DIP2B: variants seen among roughly 807,000 people sequenced by gnomAD.
The protein encoded by DIP2B is disco-interacting protein 2 homolog B.
A neutral mutation model predicts 198.0 loss-of-function variants in DIP2B; 76 were observed. The ratio of observed to expected loss-of-function variants is 0.38; its 90% CI spans 0.32 to 0.46. DIP2B has a LOEUF of 0.46. Among genes scored for constraint, DIP2B ranks in the 20% least tolerant of loss-of-function variants. The pLI is 0.99. For missense variants in DIP2B, 1,559 were observed against 1,978.4 expected (o/e 0.79, Z 4.02); for synonymous variants, 701 against 739.1 (o/e 0.95, Z 0.84).
chr12:50,616,928 A>G, intron 1 of DIP2B, among the ~76,000 whole-genome samples: 1 of 152,122 alleles, frequency 6.6e-6, no homozygotes, highest in East Asian at 1.9e-4. Context: ...ATTCTCAGCT[A>G]TATTTTTATC....
intron 1 of DIP2B, among the ~76,000 whole-genome samples, chr12:50,607,963 T>G (rs1043828416): frequency 6.6e-6 from 1 of 152,122 alleles, no homozygotes; most frequent in Non-Finnish European, 1.5e-5. Flanking sequence ...CCGGCTAATT[T>G]TGTATTTTTT....
chr12:50,626,256 A>G (rs1185954530), intron 2 of DIP2B, among the ~76,000 whole-genome samples: 1 of 152,186 alleles, frequency 6.6e-6, no homozygotes, highest in African/African-American at 2.4e-5. Context: ...AGGTCATCAG[A>G]TAATTTACAC....
At chr12:50,522,332 A>C (rs2139353752) in intron 1 of DIP2B, among the ~76,000 whole-genome samples, 1 of 152,348 alleles carries the variant, frequency 6.6e-6, no homozygotes, top group African/African-American at 2.4e-5. Flanking sequence ...AAAGATTAAT[A>C]AAAACAACAG....
At chr12:50,651,402 C>T (rs908168984) in intron 3 of DIP2B, among the ~76,000 whole-genome samples, 7 of 152,188 alleles carry the variant, frequency 4.6e-5, no homozygotes, top group African/African-American at 7.2e-5. Context: ...AAATTGTTGT[C>T]AAATCCAATG....
At chr12:50,716,163 G>A (rs552728671) in intron 23 of DIP2B, among the ~76,000 whole-genome samples, 1 of 152,192 alleles carries the variant, frequency 6.6e-6, no homozygotes, top group Non-Finnish European at 1.5e-5. Flanking sequence ...AATACACTCT[G>A]AGTCCCTGCC....
intron 37 of DIP2B, 118 bp downstream of exon 37, chr12:50,741,657 G>C: frequency 1.5e-6 from 2 of 1,343,556 alleles, no homozygotes; most frequent in Non-Finnish European, 2.0e-6. Flanking sequence ...CTCCATGGGA[G>C]GAGTAAGGAA....
In DIP2B at chr12:50,623,286, T is replaced by C. The variant is rs1937850861; in HGVS notation, c.101-2690T>C. Among the ~76,000 whole-genome samples, 3 of 151,686 alleles carry C rather than the reference T, an allele frequency of 2.0e-5. 1 individual carries two copies. The South Asian group carries it at 6.2e-4, about 31-fold the overall frequency. ...CACTTGGGAGGCTGAGGTGGGAAGA[T>C]CCCTTGAGCCCAGGAGTTTGAGGTT... On this transcript the variant is annotated intron_variant, in intron 1 of 37. Coordinates refer to ENST00000301180, the MANE Select transcript of DIP2B (RefSeq NM_173602.3).
At chr12:50,554,284 A>G (rs1355375977) in intron 1 of DIP2B, among the ~76,000 whole-genome samples, 1 of 152,194 alleles carries the variant, frequency 6.6e-6, no homozygotes, top group Non-Finnish European at 1.5e-5. Flanking sequence ...CCATATAGTT[A>G]TAGCATAATT....
intron 4 of DIP2B, among the ~76,000 whole-genome samples, chr12:50,667,069 A>G (rs965681865): frequency 6.6e-6 from 1 of 152,154 alleles, no homozygotes; most frequent in Non-Finnish European, 1.5e-5. Context: ...GGTTTTTGTC[A>G]TGTTGCCCAG....
intron 3 of DIP2B, among the ~76,000 whole-genome samples, chr12:50,649,745 A>T (rs193159446): frequency 6.6e-6 from 1 of 152,206 alleles, no homozygotes; most frequent in East Asian, 1.9e-4. Flanking sequence ...AGTCCCAGCT[A>T]CTCAGGATGC....
chr12:50,695,398 T>A, intron 15 of DIP2B, 38 bp downstream of exon 15: 1 of 1,559,436 alleles, frequency 6.4e-7, no homozygotes, highest in Non-Finnish European at 8.8e-7. Context: ...ATTATGTGAC[T>A]GTTTGAATTA....
intron 2 of DIP2B, among the ~76,000 whole-genome samples, chr12:50,631,606 T>G (rs1938055683): frequency 6.6e-6 from 1 of 152,092 alleles, no homozygotes; most frequent in African/African-American, 2.4e-5. Context: ...CTAATTTTCG[T>G]ATTTTTAGTA....
intron 27 of DIP2B, among the ~76,000 whole-genome samples, 188 bp downstream of exon 27, chr12:50,723,511 G>A (rs1463038591): frequency 6.6e-6 from 1 of 152,166 alleles, no homozygotes; most frequent in African/African-American, 2.4e-5. Context: ...GGGGAAAGTG[G>A]TTATTGGTGA....
chr12:50,514,463 C>T (rs536947616), intron 1 of DIP2B, among the ~76,000 whole-genome samples: 12 of 152,232 alleles, frequency 7.9e-5, no homozygotes, highest in South Asian at 4.1e-4. Flanking sequence ...CAGTTCCACC[C>T]GTATCTCCTT....
At chr12:50,723,462 T>C (rs1592143387) in intron 27 of DIP2B, 139 bp downstream of exon 27, 1 of 1,230,810 alleles carries the variant, frequency 8.1e-7, no homozygotes, top group Non-Finnish European at 1.1e-6. Flanking sequence ...TTTTTGTTAA[T>C]CCAGCCAAAG....
In DIP2B at chr12:50,718,690, G is replaced by T. The variant is rs750381084; in HGVS notation, c.2852-19G>T. On this transcript the variant is annotated intron_variant, in intron 23 of 37. Coordinates refer to ENST00000301180, the MANE Select transcript of DIP2B (RefSeq NM_173602.3). Reference sequence around the variant, plus strand: ...GGAATCGCCATCTCCAGTGAGTTGGGTTTTGCATTTATTTACAGGTGTAGG... The same window carrying T: ...GGAATCGCCATCTCCAGTGAGTTGGTTTTTGCATTTATTTACAGGTGTAGG... The T allele has an allele frequency of 1.2e-6, 2 of 1,610,820 alleles. No individual in the cohort carries two copies. The highest frequency in any genetic ancestry group is 1.1e-5 in the South Asian group (1 of 90,876).
At chr12:50,630,361 TTCTTC>T (rs1387109909) in intron 2 of DIP2B, among the ~76,000 whole-genome samples, 2 of 152,112 alleles carry the variant, frequency 1.3e-5, no homozygotes, top group Admixed American at 6.5e-5. Context: ...CCTCTTGTCT[TTCTTC>T]TCTTCTCTCT....
At position 50,513,580 on chromosome 12, in the gene DIP2B, C is replaced by A. The variant is rs571051283; in HGVS notation, c.100+8340C>A. ...ATATCCTTCCTTTTAGTTCCTCTTT[C>A]AAAAGTTTTCTGGCTGGGTGTGGTG... On this transcript the variant is annotated intron_variant, in intron 1 of 37. Coordinates refer to ENST00000301180, the MANE Select transcript of DIP2B (RefSeq NM_173602.3). Among the ~76,000 whole-genome samples, 7 of 152,264 alleles carry A rather than the reference C, an allele frequency of 4.6e-5. No individual in the cohort carries two copies. In the East Asian group the frequency reaches 1.2e-3, roughly 25 times the overall value.
chr12:50,575,252 ACT>A (rs1280618579), intron 1 of DIP2B, among the ~76,000 whole-genome samples: 1 of 149,648 alleles, frequency 6.7e-6, no homozygotes, highest in Non-Finnish European at 1.5e-5. Context: ...CTAAAACTAA[ACT>A]CTCTTCTAGC....
Sources: allele counts gnomAD v4.1 joint callset (sites outside exome capture counted in the v4.1 genomes callset), GRCh38; gene constraint gnomAD v4.1.1; transcripts MANE v1.5; gene names NCBI Gene and HGNC (gene_info 2026-07-23, HGNC 2026-07-21).